Variants in ASPH observed in about 807,000 individuals in gnomAD.
ASPH encodes aspartyl/asparaginyl beta-hydroxylase.
In ASPH, 100 loss-of-function variants were observed where a neutral mutation model predicts 118.4. That is an observed-to-expected ratio of 0.84 (90% CI 0.72 to 1.00). The LOEUF (loss-of-function observed/expected upper bound fraction) is 1.00, where lower values mean the gene tolerates loss of function less well. Ranked by LOEUF, ASPH falls within the 50% of genes least tolerant of loss-of-function variation. ASPH has a pLI of 0.00. For missense variants in ASPH, 920 were observed against 919.5 expected (o/e 1.00, Z -0.01); for synonymous variants, 315 against 325.6 (o/e 0.97, Z 0.35).
intron 3 of ASPH, among the ~76,000 whole-genome samples, chr8:61,654,608 CTCT>C (rs1411739512): frequency 1.3e-5 from 2 of 152,156 alleles, no homozygotes; most frequent in Non-Finnish European, 2.9e-5. Flanking sequence ...CGATGTATTA[CTCT>C]TCTTTTTTAT....
intron 13 of ASPH, chr8:61,623,737 A>C (rs1375021240): frequency 6.6e-6 from 1 of 152,172 alleles, no homozygotes; most frequent in Non-Finnish European, 1.5e-5. Flanking sequence ...TGTTTATTGC[A>C]CTATTTACAA....
intron 5 of ASPH, among the ~76,000 whole-genome samples, chr8:61,647,988 G>C (rs961946284): frequency 6.6e-6 from 1 of 152,124 alleles, no homozygotes; most frequent in Non-Finnish European, 1.5e-5. Context: ...AAAGTGAATG[G>C]GCAGGACTTG....
intron 21 of ASPH, among the ~76,000 whole-genome samples, chr8:61,527,134 A>G (rs1815680086): frequency 6.6e-6 from 1 of 152,232 alleles, no homozygotes; most frequent in Non-Finnish European, 1.5e-5. Context: ...ACTCAAGAGC[A>G]TGGGACTAGA....
chr8:61,548,253 A>C (rs760474626), intron 20 of ASPH, 45 bp from the exon 21 acceptor site: 1 of 1,532,880 alleles, frequency 6.5e-7, no homozygotes, highest in South Asian at 1.3e-5. Flanking sequence ...CCTTCAACAG[A>C]GCATTTTTAT....
intron 5 of ASPH, 38 bp downstream of exon 5, chr8:61,651,012 T>C (rs1397568359): frequency 6.4e-7 from 1 of 1,558,002 alleles, no homozygotes; most frequent in Non-Finnish European, 8.8e-7. Flanking sequence ...AAGCGTTATT[T>C]TAGTAACTCA....
chr8:61,704,824 A>G (rs1261455569), intron 1 of ASPH, among the ~76,000 whole-genome samples: 2 of 152,198 alleles, frequency 1.3e-5, no homozygotes, highest in Non-Finnish European at 2.9e-5. Flanking sequence ...TGACACCACC[A>G]AATGTTGGTA....
chr8:61,571,525 T>C (rs574305497), intron 16 of ASPH, among the ~76,000 whole-genome samples: 3 of 152,246 alleles, frequency 2.0e-5, no homozygotes, highest in African/African-American at 4.8e-5. Context: ...ATAGTTGTTA[T>C]ATTGTATCAT....
chr8:61,621,928 G>A (rs1008188547), intron 13 of ASPH, among the ~76,000 whole-genome samples: 5 of 152,108 alleles, frequency 3.3e-5, no homozygotes, highest in African/African-American at 4.8e-5. Flanking sequence ...CTGTCTTAAC[G>A]TTTTTTCTCC....
intron 12 of ASPH, among the ~76,000 whole-genome samples, chr8:61,637,588 A>G (rs2150873197): frequency 6.6e-6 from 1 of 152,076 alleles, no homozygotes; most frequent in East Asian, 1.9e-4. Context: ...ATAAAGACCC[A>G]TCTTTCAACC....
intron 16 of ASPH, among the ~76,000 whole-genome samples, chr8:61,569,296 A>T (rs1423407286): frequency 1.3e-5 from 2 of 152,218 alleles, no homozygotes; most frequent in Non-Finnish European, 2.9e-5. Flanking sequence ...CAGATTTAGG[A>T]GGCTACAATC....
chr8:61,713,832 C>T (rs1036945007), intron 1 of ASPH, among the ~76,000 whole-genome samples: 2 of 152,236 alleles, frequency 1.3e-5, no homozygotes, highest in African/African-American at 4.8e-5. Flanking sequence ...TTTTCACCTC[C>T]TTTGAGTTGC....
intron 21 of ASPH, among the ~76,000 whole-genome samples, chr8:61,537,036 G>A (rs1819895488): frequency 1.3e-5 from 2 of 152,180 alleles, no homozygotes; most frequent in African/African-American, 2.4e-5. Flanking sequence ...CACCTGAGAG[G>A]AAGGAGAAAA....
intron 24 of ASPH, among the ~76,000 whole-genome samples, chr8:61,505,483 G>A (rs747641484): frequency 7.9e-5 from 8 of 101,306 alleles, no homozygotes; most frequent in Non-Finnish European, 1.5e-4. Context: ...GACAGAGCAA[G>A]ACTCCATCTC....
At chr8:61,633,899 T>A (rs1044373616) in intron 12 of ASPH, among the ~76,000 whole-genome samples, 172 bp from the exon 13 acceptor site, 7 of 152,218 alleles carry the variant, frequency 4.6e-5, no homozygotes, top group African/African-American at 1.4e-4. Flanking sequence ...AATGATCAGC[T>A]ACAACTTAGC....
intron 15 of ASPH, chr8:61,582,886 C>G (rs770009337): frequency 6.6e-6 from 1 of 151,912 alleles, no homozygotes; most frequent in African/African-American, 2.4e-5. Flanking sequence ...AACAAATTTC[C>G]GCCAAAAACA....
chr8:61,525,354 A>G (rs376780132), intron 22 of ASPH, among the ~76,000 whole-genome samples: 15 of 133,002 alleles, frequency 1.1e-4, no homozygotes, highest in Middle Eastern at 3.9e-3. Context: ...ACACACACAC[A>G]CGCACACACA....
At chr8:61,668,751 C>T (rs1298484555) in intron 3 of ASPH, among the ~76,000 whole-genome samples, 1 of 152,162 alleles carries the variant, frequency 6.6e-6, no homozygotes, top group African/African-American at 2.4e-5. Flanking sequence ...CACCAGTTCG[C>T]ACTGTCTTTT....
At chr8:61,540,579 G>A (rs901419238) in intron 21 of ASPH, among the ~76,000 whole-genome samples, 4 of 152,090 alleles carry the variant, frequency 2.6e-5, no homozygotes, top group South Asian at 4.1e-4. Context: ...TTTCTTTATA[G>A]CAATGCAAGA....
intron 3 of ASPH, chr8:61,675,913 A>G (rs1589058203): frequency 6.9e-7 from 1 of 1,456,428 alleles, no homozygotes; most frequent in East Asian, 2.4e-5. Context: ...CGAGCAAGGG[A>G]CTAGCTAGTA....
Sources: allele counts gnomAD v4.1 joint callset (sites outside exome capture counted in the v4.1 genomes callset), GRCh38; gene constraint gnomAD v4.1.1; transcripts MANE v1.5; gene names NCBI Gene and HGNC (gene_info 2026-07-23, HGNC 2026-07-21).